Variants in MYH7B observed in about 807,000 individuals in gnomAD.
The protein encoded by MYH7B is myosin heavy chain 7B, also known as myosin-7B.
Under a neutral mutation model 234.5 loss-of-function variants are expected in MYH7B, and 205 were observed. That is an observed-to-expected ratio of 0.87 (90% CI 0.78 to 0.98). The LOEUF is 0.98. MYH7B is among the 50% of genes least tolerant of loss of function. MYH7B has a pLI of 0.00. For missense variants in MYH7B, 2,652 were observed against 2,633.4 expected, an observed-to-expected ratio of 1.01 and a Z score of -0.15; for synonymous variants, 1,193 against 1,105.0, an observed-to-expected ratio of 1.08 and a Z score of -1.58.
At chr20:34,965,898 T>A (rs2081737408) in intron 2 of MYH7B, among the ~76,000 whole-genome samples, 1 of 152,090 alleles carries the variant, frequency 6.6e-6, no homozygotes, top group Non-Finnish European at 1.5e-5. Context: ...CTACTGTAGA[T>A]GGGCTGGTCA....
At chr20:34,988,257 G>C (rs1293406286) in exon 19 of MYH7B, 1 of 1,611,492 alleles carries the variant, frequency 6.2e-7, no homozygotes, top group East Asian at 2.2e-5. Flanking sequence ...CGACCTCATC[G>C]AGAAGGTGGG....
At chr20:34,970,323 G>C (rs1429998945) in intron 2 of MYH7B, among the ~76,000 whole-genome samples, 1 of 152,206 alleles carries the variant, frequency 6.6e-6, no homozygotes, top group Non-Finnish European at 1.5e-5. Context: ...GCAGGAGGAG[G>C]GAAACCCACT....
At chr20:34,994,525 T>C in intron 27 of MYH7B, 124 bp downstream of exon 27, 1 of 1,201,426 alleles carries the variant, frequency 8.3e-7, no homozygotes, top group Non-Finnish European at 1.1e-6. Context: ...AAAGATGCCA[T>C]GAGATGAGGC....
At chr20:34,998,229 C>T (rs2082300640) in intron 32 of MYH7B, 66 bp from the exon 33 acceptor site, 4 of 1,575,746 alleles carry the variant, frequency 2.5e-6, no homozygotes, top group South Asian at 2.3e-5. Flanking sequence ...CAGATCCTGC[C>T]ATCTGATGCA....
rs754843230 is a variant in MYH7B, at chr20:35,000,825, G to A, written c.5236G>A (p.Gly1746Arg). 2.3e-5 allele frequency: 37 copies of A among 1,613,724 alleles called. No homozygotes were observed. The highest frequency in any genetic ancestry group is 4.0e-5 in the African/African-American group (3 of 74,900). Residue 1746 changes from glycine (G) to arginine (R), a missense_variant, in exon 40 of 45, where the codon GGG (glycine) becomes AGG (arginine). Transcript: ENST00000262873. Reference sequence around the variant, plus strand: ...GGAGGCGGACTTGGCCCAGCTGAGCGGGGAGGTGGAGGAGGCTGCACAGGA... The same window carrying A: ...GGAGGCGGACTTGGCCCAGCTGAGCAGGGAGGTGGAGGAGGCTGCACAGGA...
Position 34,998,859 on chromosome 20 carries a change from G to A in MYH7B, c.4134G>A (p.Trp1378Ter), listed in dbSNP as rs2082312645. Residue 1378 changes from tryptophan to a stop codon, truncating the protein, a stop_gained, in exon 35 of 45, where the codon TGG becomes TGA. Transcript: ENST00000262873. LOFTEE classifies it high-confidence loss of function. The stretch of plus-strand genomic sequence containing the variant: ...AGGCCAATGCCGAGGTGGCCCAGTG[G>A]AGGAGCAAGTACGAAGCAGATGCCA... The A allele has an allele frequency of 1.2e-6, 2 of 1,613,290 alleles. No individual in the cohort carries two copies. Among genetic ancestry groups the A allele is most frequent in the Non-Finnish European group, 1.7e-6 (2 of 1,180,026 alleles).
chr20:34,995,525 C>T (rs1363055022), exon 28 of MYH7B: 1 of 1,614,082 alleles, frequency 6.2e-7, no homozygotes, highest in Non-Finnish European at 8.5e-7. Flanking sequence ...CATTGATGAC[C>T]TGGAGCTGAC....
At position 34,993,231 on chromosome 20, in the gene MYH7B, G is replaced by T. The variant is rs1296926112; in HGVS notation, c.2307+6G>T. ...ACCAGTTTGGCCACACCAAGGTCGG[G>T]GCACTGTGGGATCAGGGCTGGCCAT... On this transcript the variant is annotated splice_donor_region_variant and intron_variant, in intron 25 of 44. Transcript: ENST00000262873. 6.2e-7 allele frequency: 1 copy of T among 1,613,820 alleles called. No homozygotes were observed. The highest frequency in any genetic ancestry group is 1.3e-5 in the African/African-American group (1 of 74,900).
At chr20:34,963,699 T>A (rs1342497293) in intron 2 of MYH7B, among the ~76,000 whole-genome samples, 1 of 152,250 alleles carries the variant, frequency 6.6e-6, no homozygotes, top group East Asian at 1.9e-4. Flanking sequence ...CTAAGAGTTT[T>A]ATAGTTTTGG....
At chr20:35,001,565 C>G in intron 43 of MYH7B, 39 bp downstream of exon 43, 2 of 1,541,748 alleles carry the variant, frequency 1.3e-6, no homozygotes, top group Non-Finnish European at 1.8e-6. Context: ...ACCGGGCACC[C>G]CAGCTCTGCC....
chr20:34,994,320 C>A (rs201923299), exon 27 of MYH7B: 1 of 1,609,538 alleles, frequency 6.2e-7, no homozygotes, highest in Non-Finnish European at 8.5e-7. Context: ...TGGCTGCGGC[C>A]GAGGCCAAGC....
rs769010732 is a variant in MYH7B at position 34,999,339 on chromosome 20, C to T, written c.4474C>T (p.Arg1492Trp). ...CCTGGGCACCGAGCTCTTCCGGCTGCGGCACGGCCACGAGGAGGCACTTGA... is the reference window on the plus strand; with the variant it reads ...CCTGGGCACCGAGCTCTTCCGGCTGTGGCACGGCCACGAGGAGGCACTTGA... Residue 1492 changes from arginine (R) to tryptophan (W), a missense_variant, in exon 36 of 45, where the codon CGG (arginine) becomes TGG (tryptophan). Physicochemically the swap from Arg to Trp is moderately radical, Grantham distance 101 (BLOSUM62 -3). Transcript: ENST00000262873. The T allele has an allele frequency of 1.0e-5, 16 of 1,560,046 alleles. No individual in the cohort carries two copies. In the Admixed American group the frequency reaches 1.1e-4, roughly 11 times the overall value.
chr20:34,994,980 G>T (rs1273110107), intron 27 of MYH7B, among the ~76,000 whole-genome samples: 1 of 152,246 alleles, frequency 6.6e-6, no homozygotes, highest in Non-Finnish European at 1.5e-5. Context: ...CCCTTCCAGG[G>T]ACTGCCTCCA....
At chr20:34,990,943 T>G (rs2082135146) in intron 23 of MYH7B, 61 bp from the exon 24 acceptor site, 6 of 1,572,660 alleles carry the variant, frequency 3.8e-6, no homozygotes, top group Non-Finnish European at 4.4e-6. Flanking sequence ...CACTGCTGCT[T>G]TTTCTCTGGG....
At chr20:34,980,710 A>G (rs1467919730) in exon 8 of MYH7B, 1 of 1,614,144 alleles carries the variant, frequency 6.2e-7, no homozygotes. Context: ...GGTGGCGGAC[A>G]ACGCCTACAA....
Position 34,995,696 on chromosome 20 carries a change from C to T in MYH7B, c.2943+118C>T. ...CTCTGCTTTCTGGCCCTGGGCATGTCACTGCCTTTCCTGGGCCTCAGTTTC... is the reference window on the plus strand; with the variant it reads ...CTCTGCTTTCTGGCCCTGGGCATGTTACTGCCTTTCCTGGGCCTCAGTTTC... On this transcript the variant is annotated intron_variant, in intron 28 of 44. Transcript: ENST00000262873. 2.1e-6 allele frequency: 3 copies of T among 1,444,258 alleles called. No individual in the cohort carries two copies. In the South Asian group the frequency reaches 4.1e-5, roughly 20 times the overall value. 89.5% of individuals were successfully genotyped at this position (1,444,258 alleles called of 1,614,324 possible).
exon 24 of MYH7B, chr20:34,991,116 G>T (rs781486361): frequency 6.2e-7 from 1 of 1,604,822 alleles, no homozygotes; most frequent in Non-Finnish European, 8.5e-7. Flanking sequence ...CCGACTTCCG[G>T]CAGCGGTGGG....
intron 35 of MYH7B, 68 bp from the exon 36 acceptor site, chr20:34,998,988 T>G (rs1161078190): frequency 1.9e-6 from 3 of 1,580,470 alleles, no homozygotes; most frequent in Non-Finnish European, 1.7e-6. Flanking sequence ...TGAGGGTGGG[T>G]GAAGGGAGCT....
At position 34,997,379 on chromosome 20, in the gene MYH7B, C is replaced by T. The variant is rs961816978; in HGVS notation, c.3486C>T (p.Gly1162=). Residue 1162 remains glycine (G), a synonymous_variant, in exon 32 of 45, where the codon GGC becomes GGT. Coordinates refer to ENST00000262873, the Ensembl canonical transcript of MYH7B. ...GCGAGCGGCTGGAGGAGGCAGGCGGCGCATCCGCGGGGCAGCGCGAGGGCT... is the reference window on the plus strand; with the variant it reads ...GCGAGCGGCTGGAGGAGGCAGGCGGTGCATCCGCGGGGCAGCGCGAGGGCT... 24 of 1,520,938 alleles carry T rather than the reference C, an allele frequency of 1.6e-5. No homozygotes were observed. Among genetic ancestry groups the T allele is most frequent in the African/African-American group, 2.8e-5 (2 of 71,396 alleles). The allele number at this position is 1,520,938 out of a possible 1,614,324, so 94.2% of individuals were successfully genotyped here.
Sources: gnomAD v4.1 joint callset for allele counts (sites outside exome capture counted in the v4.1 genomes callset) on GRCh38, gnomAD v4.1.1 for gene constraint, MANE v1.5 for transcripts, NCBI Gene and HGNC (gene_info 2026-07-23, HGNC 2026-07-21) for gene names.